Variants in AUTS2 observed in about 807,000 individuals in gnomAD.
AUTS2 encodes activator of transcription and developmental regulator AUTS2.
A neutral mutation model predicts 112.4 loss-of-function variants in AUTS2; 17 were observed. The observed-to-expected ratio is 0.15, with a 90% confidence interval of 0.10 to 0.23. AUTS2 has a LOEUF of 0.23. Among genes scored for constraint, AUTS2 ranks in the 10% least tolerant of loss-of-function variants. The pLI is 1.00. For missense variants in AUTS2, 1,510 were observed against 1,701.6 expected, an observed-to-expected ratio of 0.89 and a Z score of 1.98; for synonymous variants, 751 against 702.7, an observed-to-expected ratio of 1.07 and a Z score of -1.09.
chr7:70,036,447 C>A (rs1563056050), intron 2 of AUTS2, among the ~76,000 whole-genome samples: 1 of 152,168 alleles, frequency 6.6e-6, no homozygotes, highest in Non-Finnish European at 1.5e-5. Flanking sequence ...AAAGTGAATA[C>A]TCTTTTAGGC....
At chr7:69,813,694 G>A (rs1790642172) in intron 1 of AUTS2, among the ~76,000 whole-genome samples, 1 of 152,168 alleles carries the variant, frequency 6.6e-6, no homozygotes, top group African/African-American at 2.4e-5. Flanking sequence ...ATGTTATATG[G>A]AAGAAGGGGA....
chr7:70,230,791 T>C (rs1222962821), intron 4 of AUTS2, among the ~76,000 whole-genome samples: 1 of 152,164 alleles, frequency 6.6e-6, no homozygotes, highest in Admixed American at 6.5e-5. Context: ...CAGTCAGTTA[T>C]GAGATTTCAG....
At chr7:70,553,803 G>A (rs1411033855) in intron 5 of AUTS2, among the ~76,000 whole-genome samples, 48 of 105,956 alleles carry the variant, frequency 4.5e-4, no homozygotes, top group African/African-American at 1.8e-3. Context: ...GTCTTGCTCT[G>A]TCGCCCAGGC....
At position 70,446,106 on chromosome 7, in the gene AUTS2, C is replaced by T. The variant is rs141869915; in HGVS notation, c.690+10325C>T. ...GGTAGTTTTGTTCTGAGTTATAATTCGCCCCCTCAAGAACCCTCTTGTCCA... is the reference window on the plus strand; with the variant it reads ...GGTAGTTTTGTTCTGAGTTATAATTTGCCCCCTCAAGAACCCTCTTGTCCA... On this transcript the variant is annotated intron_variant, in intron 5 of 18. Coordinates refer to ENST00000342771, the MANE Select transcript of AUTS2 (RefSeq NM_015570.4). Among the ~76,000 whole-genome samples, 889 of 152,294 alleles carry T rather than the reference C, an allele frequency of 5.8e-3. 8 individuals carry two copies. Among genetic ancestry groups the T allele is most frequent in the African/African-American group, 0.02 (831 of 41,556 alleles).
chr7:70,300,872 G>C (rs1789180356), intron 4 of AUTS2, among the ~76,000 whole-genome samples: 1 of 152,166 alleles, frequency 6.6e-6, no homozygotes, highest in Non-Finnish European at 1.5e-5. Flanking sequence ...AAGTGAGATG[G>C]TAAAGGATAT....
intron 2 of AUTS2, among the ~76,000 whole-genome samples, chr7:70,061,969 G>A (rs1370124134): frequency 6.6e-6 from 1 of 151,318 alleles, no homozygotes; most frequent in Non-Finnish European, 1.5e-5. Context: ...TCTTATTTTA[G>A]TAGAGATGGG....
intron 1 of AUTS2, among the ~76,000 whole-genome samples, chr7:69,842,785 T>A (rs1467868166): frequency 6.6e-6 from 1 of 152,186 alleles, no homozygotes; most frequent in Non-Finnish European, 1.5e-5. Context: ...GCAACTGGAC[T>A]TGATTCAGGT....
chr7:70,091,161 A>AT (rs1803898953), intron 2 of AUTS2, among the ~76,000 whole-genome samples: 1 of 152,044 alleles, frequency 6.6e-6, no homozygotes, highest in African/African-American at 2.4e-5. Context: ...TTGCAATTGC[A>AT]TTTTTTAAGT....
chr7:69,681,865 A>G (rs1796814710), intron 1 of AUTS2, among the ~76,000 whole-genome samples: 1 of 152,154 alleles, frequency 6.6e-6, no homozygotes, highest in Non-Finnish European at 1.5e-5. Context: ...TGCCCCAAAT[A>G]CTAAGTGACG....
At chr7:70,392,298 T>C (rs1793901346) in intron 4 of AUTS2, among the ~76,000 whole-genome samples, 1 of 152,268 alleles carries the variant, frequency 6.6e-6, no homozygotes, top group Non-Finnish European at 1.5e-5. Context: ...CAGAAACTCA[T>C]CCATGATGAG....
chr7:70,754,796 G>T (rs1015190877), intron 6 of AUTS2, among the ~76,000 whole-genome samples: 4 of 146,150 alleles, frequency 2.7e-5, no homozygotes, highest in Non-Finnish European at 2.9e-5. Context: ...AAAAAGATAC[G>T]GATGAATGGA....
chr7:70,757,697 A>C (rs1224001450), intron 6 of AUTS2, among the ~76,000 whole-genome samples: 1 of 151,264 alleles, frequency 6.6e-6, no homozygotes, highest in African/African-American at 2.4e-5. Flanking sequence ...TTATGCATAT[A>C]TACACACACA....
At chr7:70,589,121 G>A (rs1802818435) in intron 5 of AUTS2, among the ~76,000 whole-genome samples, 1 of 152,224 alleles carries the variant, frequency 6.6e-6, no homozygotes, top group Non-Finnish European at 1.5e-5. Context: ...GTCACACAGT[G>A]GGGGCCCTTT....
At chr7:70,010,968 A>G in intron 2 of AUTS2, among the ~76,000 whole-genome samples, 1 of 152,192 alleles carries the variant, frequency 6.6e-6, no homozygotes, top group East Asian at 1.9e-4. Flanking sequence ...TGCTTGACTT[A>G]CTTGAGTAAT....
At chr7:70,179,350 G>T in intron 4 of AUTS2, among the ~76,000 whole-genome samples, 1 of 152,094 alleles carries the variant, frequency 6.6e-6, no homozygotes, top group Non-Finnish European at 1.5e-5. Context: ...CCTACAGCAG[G>T]GGAGATTTCT....
intron 6 of AUTS2, among the ~76,000 whole-genome samples, chr7:70,713,396 A>G (rs1046124682): frequency 2.0e-5 from 3 of 152,258 alleles, no homozygotes; most frequent in Non-Finnish European, 2.9e-5. Context: ...TGTATTGAAT[A>G]TTAGAGTTTT....
chr7:70,312,235 G>A (rs912363755), intron 4 of AUTS2, among the ~76,000 whole-genome samples: 5 of 152,092 alleles, frequency 3.3e-5, no homozygotes, highest in African/African-American at 4.8e-5. Context: ...GTGATTTATG[G>A]TAATCTTACC....
intron 5 of AUTS2, among the ~76,000 whole-genome samples, chr7:70,663,731 A>G (rs1311343554): frequency 6.6e-6 from 1 of 152,134 alleles, no homozygotes; most frequent in African/African-American, 2.4e-5. Flanking sequence ...GGAGTCCTTC[A>G]CCAGACAGTT....
intron 2 of AUTS2, among the ~76,000 whole-genome samples, chr7:69,995,023 G>C (rs1054833399): frequency 2.6e-5 from 4 of 152,094 alleles, no homozygotes; most frequent in Non-Finnish European, 5.9e-5. Flanking sequence ...GGCTGTACCG[G>C]GCTTTGTGGC....
Sources: allele counts gnomAD v4.1 joint callset (sites outside exome capture counted in the v4.1 genomes callset), GRCh38; gene constraint gnomAD v4.1.1; transcripts MANE v1.5; gene names NCBI Gene and HGNC (gene_info 2026-07-23, HGNC 2026-07-21).